The following PINX1 variants were observed in gnomAD, a reference collection of about 807,000 sequenced individuals.
PINX1 encodes PIN2/TERF1-interacting telomerase inhibitor 1.
A neutral mutation model predicts 25.4 loss-of-function variants in PINX1; 34 were observed. The ratio of observed to expected loss-of-function variants is 1.34; its 90% CI spans 1.02 to 1.78. PINX1 has a LOEUF of 1.78. PINX1 is among the 40% of genes most tolerant of loss of function. The pLI is 0.00. For synonymous variants in PINX1, 197 were observed against 147.7 expected (o/e 1.33, Z -2.42); for missense variants, 592 against 404.9 (o/e 1.46, Z -3.97).
chr8:10,806,992 G>A (rs969265820), intron 6 of PINX1, among the ~76,000 whole-genome samples: 10 of 152,124 alleles, frequency 6.6e-5, no homozygotes, highest in African/African-American at 2.2e-4. Flanking sequence ...GCTTCCAAAT[G>A]GCTCTTCATT....
At chr8:10,837,930 A>G (rs1798452416) in intron 1 of PINX1, among the ~76,000 whole-genome samples, 1 of 152,242 alleles carries the variant, frequency 6.6e-6, no homozygotes. Flanking sequence ...TAGAACTTAA[A>G]GGAAGCGAAA....
At chr8:10,813,110 T>C (rs1268367497) in intron 6 of PINX1, among the ~76,000 whole-genome samples, 1 of 152,300 alleles carries the variant, frequency 6.6e-6, no homozygotes, top group Non-Finnish European at 1.5e-5. Flanking sequence ...GTCATCACTG[T>C]TGGGAAAAAA....
At chr8:10,794,417 C>G (rs769583514) in intron 6 of PINX1, among the ~76,000 whole-genome samples, 4 of 151,916 alleles carry the variant, frequency 2.6e-5, no homozygotes, top group Non-Finnish European at 4.4e-5. Context: ...TAAAAAGGAG[C>G]AAACCCTTCG....
intron 4 of PINX1, among the ~76,000 whole-genome samples, chr8:10,829,127 A>G (rs1423926635): frequency 6.6e-6 from 1 of 152,012 alleles, no homozygotes; most frequent in Non-Finnish European, 1.5e-5. Flanking sequence ...CTCTATTAAA[A>G]ATACAAAAAT....
chr8:10,809,243 C>A (rs1445081662), intron 6 of PINX1, among the ~76,000 whole-genome samples: 4 of 152,148 alleles, frequency 2.6e-5, no homozygotes, highest in African/African-American at 9.7e-5. Flanking sequence ...AACAAAACCC[C>A]TAAGGAGCAA....
chr8:10,817,512 T>A (rs1407338244), intron 6 of PINX1, among the ~76,000 whole-genome samples: 2 of 152,216 alleles, frequency 1.3e-5, no homozygotes, highest in Non-Finnish European at 2.9e-5. Context: ...CACAAGGATG[T>A]CAAAGATAAA....
chr8:10,799,951 G>T (rs1231343332), intron 6 of PINX1, among the ~76,000 whole-genome samples: 1 of 152,134 alleles, frequency 6.6e-6, no homozygotes, highest in Admixed American at 6.5e-5. Flanking sequence ...GACTGCTAAG[G>T]CTCAGAAAGG....
rs146698417 is a variant in PINX1 at position 10,785,791 on chromosome 8, G to A, written c.472-19875C>T. The stretch of plus-strand genomic sequence containing the variant: ...CTTGTGTATGTATACCAACATATAC[G>A]TGTGTACAGGACCCCACTCCATGTA... On this transcript the variant is annotated intron_variant, in intron 6 of 6. Coordinates refer to ENST00000314787, the MANE Select transcript of PINX1 (RefSeq NM_017884.6). Among the ~76,000 whole-genome samples the A allele has an allele frequency of 6.2e-3, 942 of 152,304 alleles. 6 individuals carry two copies. The highest frequency in any genetic ancestry group is 0.01 in the Non-Finnish European group (707 of 68,018).
intron 5 of PINX1, among the ~76,000 whole-genome samples, chr8:10,820,472 G>A (rs1424625616): frequency 2.6e-5 from 4 of 152,262 alleles, no homozygotes; most frequent in Non-Finnish European, 5.9e-5. Context: ...CCAAGTAAAT[G>A]TTTTAGAACC....
chr8:10,839,372 T>G (rs1249953569), intron 1 of PINX1, among the ~76,000 whole-genome samples: 1 of 152,202 alleles, frequency 6.6e-6, no homozygotes, highest in Non-Finnish European at 1.5e-5. Context: ...AACCTTCTCT[T>G]TTTAACCTCA....
intron 6 of PINX1, among the ~76,000 whole-genome samples, chr8:10,812,828 G>A (rs1797576067): frequency 6.6e-6 from 1 of 152,142 alleles, no homozygotes; most frequent in African/African-American, 2.4e-5. Context: ...CAGCCTCCCT[G>A]ACACCGCCCA....
At chr8:10,783,454 G>T (rs1405010417) in intron 6 of PINX1, among the ~76,000 whole-genome samples, 5 of 152,122 alleles carry the variant, frequency 3.3e-5, no homozygotes, top group African/African-American at 9.7e-5. Flanking sequence ...TGCAGATATG[G>T]TCTTTTTTTC....
Position 10,831,669 on chromosome 8 carries a change from G to A in PINX1, c.297C>T (p.Thr99=), listed in dbSNP as rs778223408. Residue 99 remains threonine (T), a synonymous_variant, in exon 4 of 7, where the codon ACC becomes ACT. Coordinates refer to ENST00000314787, the MANE Select transcript of PINX1 (RefSeq NM_017884.6). ...AELNTCHGQE[T]TDSSDKKEKK... ...TATGTCATCTGATTTCCCTACCTGT[G>A]GTTTCCTGCCCATGGCAAGTGTTCA... 1 of 1,591,020 alleles carries A rather than the reference G, an allele frequency of 6.3e-7. No individual in the cohort carries two copies. The highest frequency in any genetic ancestry group is 8.6e-7 in the Non-Finnish European group (1 of 1,162,546).
chr8:10,818,650 A>C (rs762842412), intron 6 of PINX1, among the ~76,000 whole-genome samples: 1 of 152,148 alleles, frequency 6.6e-6, no homozygotes, highest in African/African-American at 2.4e-5. Context: ...AAACGCCAGT[A>C]CAGAAGGCAC....
intron 6 of PINX1, among the ~76,000 whole-genome samples, chr8:10,781,699 A>G (rs1257141385): frequency 6.6e-6 from 1 of 152,204 alleles, no homozygotes; most frequent in Non-Finnish European, 1.5e-5. Flanking sequence ...AGTGTTGGCA[A>G]GAGTGTGGAG....
chr8:10,831,097 G>A (rs368817836), intron 4 of PINX1, among the ~76,000 whole-genome samples: 22 of 152,334 alleles, frequency 1.4e-4, no homozygotes, highest in African/African-American at 4.3e-4. Flanking sequence ...ACACACCACG[G>A]AATACTATTT....
intron 6 of PINX1, among the ~76,000 whole-genome samples, chr8:10,780,124 T>G (rs560406990): frequency 9.2e-5 from 14 of 152,354 alleles, no homozygotes; most frequent in Non-Finnish European, 1.9e-4. Flanking sequence ...CTGGTAGTCT[T>G]TGGGGTTTTC....
At position 10,826,245 on chromosome 8, in the gene PINX1, CT is replaced by C; in HGVS notation, c.302-2del. ...TTCTTTTCCTTCTTGTCCGAGGAAT[CT>C]TTAAAAAAGATGAAAAAAATACATT... On this transcript the variant is annotated splice_acceptor_variant, in intron 4 of 6. Coordinates refer to ENST00000314787, the MANE Select transcript of PINX1 (RefSeq NM_017884.6). LOFTEE classifies it high-confidence loss of function. 6.6e-7 allele frequency: 1 copy of C among 1,523,038 alleles called. No homozygotes were observed. Among genetic ancestry groups the C allele is most frequent in the Non-Finnish European group, 9.0e-7 (1 of 1,109,076 alleles). The allele number at this position is 1,523,038 out of a possible 1,614,324, so 94.3% of individuals were successfully genotyped here.
At chr8:10,801,832 T>C (rs1005886796) in intron 6 of PINX1, among the ~76,000 whole-genome samples, 2 of 152,086 alleles carry the variant, frequency 1.3e-5, no homozygotes, top group Admixed American at 1.3e-4. Flanking sequence ...GGAGAACAGA[T>C]TTGCCTAAAA....
Sources: allele counts gnomAD v4.1 joint callset (sites outside exome capture counted in the v4.1 genomes callset), GRCh38; gene constraint gnomAD v4.1.1; transcripts MANE v1.5; gene names NCBI Gene and HGNC (gene_info 2026-07-23, HGNC 2026-07-21).